Variants in TLK1 observed in about 807,000 individuals in gnomAD.
TLK1 encodes tousled like kinase 1.
Under a neutral mutation model 105.3 loss-of-function variants are expected in TLK1, and 24 were observed. That is an observed-to-expected ratio of 0.23 (90% CI 0.17 to 0.32). The LOEUF (loss-of-function observed/expected upper bound fraction) is 0.32. Among genes scored for constraint, TLK1 ranks in the 10% least tolerant of loss-of-function variants. The pLI is 1.00. For synonymous variants in TLK1, 321 were observed against 310.4 expected, an observed-to-expected ratio of 1.03 and a Z score of -0.36; for missense variants, 558 against 910.5, an observed-to-expected ratio of 0.61 and a Z score of 4.98.
intron 2 of TLK1, among the ~76,000 whole-genome samples, chr2:171,117,104 GAA>G (rs1354174143): frequency 6.6e-6 from 1 of 152,098 alleles, no homozygotes; most frequent in East Asian, 1.9e-4. Context: ...ATTTTTCCAT[GAA>G]AAAAGAGGGA....
chr2:171,200,946 A>C (rs1235148138), intron 1 of TLK1, among the ~76,000 whole-genome samples: 1 of 149,790 alleles, frequency 6.7e-6, no homozygotes, highest in Non-Finnish European at 1.5e-5. Flanking sequence ...CAGTGGCGCA[A>C]TCTCAGCTCA....
intron 18 of TLK1, among the ~76,000 whole-genome samples, chr2:171,004,354 G>GAA (rs958356904): frequency 2.7e-5 from 4 of 146,346 alleles, no homozygotes; most frequent in African/African-American, 1.0e-4. Flanking sequence ...GTATTTATCG[G>GAA]AAAAAAAAAA....
chr2:170,997,058 A>G (rs1253755891), intron 19 of TLK1, among the ~76,000 whole-genome samples: 2 of 152,248 alleles, frequency 1.3e-5, no homozygotes, highest in Non-Finnish European at 2.9e-5. Context: ...TGAATAAACA[A>G]TGAAGTTCAG....
chr2:171,194,623 C>T (rs1693225453), intron 1 of TLK1, among the ~76,000 whole-genome samples: 1 of 151,952 alleles, frequency 6.6e-6, no homozygotes, highest in South Asian at 2.1e-4. Flanking sequence ...CGAGACCATC[C>T]TGGCTAACAC....
chr2:171,181,347 A>T (rs1575649009), intron 1 of TLK1, among the ~76,000 whole-genome samples: 2 of 152,304 alleles, frequency 1.3e-5, no homozygotes, highest in East Asian at 3.9e-4. Flanking sequence ...AAAGTAAAAA[A>T]CCAAGCCAGG....
chr2:171,088,012 G>T (rs1262959738), intron 2 of TLK1, among the ~76,000 whole-genome samples: 2 of 152,130 alleles, frequency 1.3e-5, no homozygotes, highest in African/African-American at 2.4e-5. Flanking sequence ...TCAGAGAAAT[G>T]ACTTAACTAG....
intron 12 of TLK1, among the ~76,000 whole-genome samples, chr2:171,020,652 A>G (rs1315485044): frequency 6.6e-6 from 1 of 152,204 alleles, no homozygotes; most frequent in Non-Finnish European, 1.5e-5. Flanking sequence ...ATGTCACCAT[A>G]TTATATGCTT....
intron 13 of TLK1, 96 bp downstream of exon 13, chr2:171,014,752 CGAT>C: frequency 1.1e-6 from 1 of 933,244 alleles, no homozygotes; most frequent in Non-Finnish European, 1.6e-6. Flanking sequence ...TTTCTAAGTA[CGAT>C]GAGACAACCC....
chr2:171,203,853 C>T (rs1205236945), intron 1 of TLK1, among the ~76,000 whole-genome samples: 1 of 152,100 alleles, frequency 6.6e-6, no homozygotes, highest in African/African-American at 2.4e-5. Flanking sequence ...ATTTCAAGAC[C>T]AGCCTGGCCA....
At chr2:171,199,610 G>C (rs1190887142) in intron 1 of TLK1, among the ~76,000 whole-genome samples, 1 of 152,144 alleles carries the variant, frequency 6.6e-6, no homozygotes, top group Non-Finnish European at 1.5e-5. Context: ...AAGTTCGAGG[G>C]CTCCCTCAGC....
chr2:171,022,765 T>C (rs898487290), intron 12 of TLK1: 3 of 186,378 alleles, frequency 1.6e-5, no homozygotes, highest in African/African-American at 7.1e-5. Flanking sequence ...TGCAAACTTA[T>C]TCTTTGTGGT....
At position 170,993,698 on chromosome 2, in the gene TLK1, AAAAC is replaced by A. The variant is rs1292586694; in HGVS notation, c.*78_*81del. ...AAAAAAAAAAAAAAAAAAGAAAAAG[AAAAC>A]AAACACTCAAATGCTCTCAAACTTA... On this transcript the variant is annotated 3_prime_UTR_variant, in exon 21 of 21. Coordinates refer to ENST00000431350, the MANE Select transcript of TLK1 (RefSeq NM_012290.5). 5.1e-6 allele frequency: 6 copies of A among 1,168,886 alleles called. No individual in the cohort carries two copies. Among genetic ancestry groups the A allele is most frequent in the Non-Finnish European group, 5.7e-6 (5 of 872,840 alleles). The allele number at this position is 1,168,886 out of a possible 1,614,324, so 72.4% of individuals were successfully genotyped here. A position where few individuals can be genotyped will look rare whatever the true frequency, so the allele number is the denominator to read the frequency against.
chr2:171,039,605 TC>T (rs1392999592), intron 11 of TLK1, among the ~76,000 whole-genome samples: 1 of 152,198 alleles, frequency 6.6e-6, no homozygotes, highest in Non-Finnish European at 1.5e-5. Flanking sequence ...TTGCTGGCCT[TC>T]ATGAACCTGT....
intron 5 of TLK1, 28 bp from the exon 6 acceptor site, chr2:171,056,594 T>C (rs539866326): frequency 1.3e-6 from 2 of 1,569,656 alleles, no homozygotes; most frequent in East Asian, 2.3e-5. Flanking sequence ...GAAGCATTAT[T>C]ATTTACTAAA....
At chr2:171,058,531 A>G (rs1326280769) in intron 4 of TLK1, among the ~76,000 whole-genome samples, 1 of 152,200 alleles carries the variant, frequency 6.6e-6, no homozygotes, top group Non-Finnish European at 1.5e-5. Context: ...TATACAAACC[A>G]TAACATGATT....
rs1373127666 is a variant in TLK1 at position 171,160,741 on chromosome 2, C to G, written c.-313G>C. On this transcript the variant is annotated 5_prime_UTR_variant, in exon 1 of 21. Coordinates refer to ENST00000431350, the MANE Select transcript of TLK1 (RefSeq NM_012290.5). This position sits in a 1 kb window ranked among gnomAD's most constrained non-coding sequence, Gnocchi z 4.4. ...GAGGGGGTGCCAGCCGGGCCGGGGT[C>G]GGAGCGCGGGCGGAGCGCGGGCTGC... 9.5e-6 allele frequency: 4 copies of G among 419,536 alleles called. No homozygotes were observed. Among genetic ancestry groups the G allele is most frequent in the African/African-American group, 2.3e-5 (1 of 43,226 alleles). The allele number at this position is 419,536 out of a possible 1,614,324, so 26.0% of individuals were successfully genotyped here. A position where few individuals can be genotyped will look rare whatever the true frequency, so the allele number is the denominator to read the frequency against.
At chr2:171,077,188 G>A (rs1688551846) in intron 3 of TLK1, among the ~76,000 whole-genome samples, 1 of 152,148 alleles carries the variant, frequency 6.6e-6, no homozygotes, top group South Asian at 2.1e-4. Flanking sequence ...TCACTGTGAA[G>A]TAAGAGAAAA....
At chr2:171,045,092 C>G (rs1686883109) in intron 11 of TLK1, 1 of 151,900 alleles carries the variant, frequency 6.6e-6, no homozygotes, top group African/African-American at 2.4e-5. Flanking sequence ...ACAAGCAGAG[C>G]ACAAAGGAGG....
intron 2 of TLK1, among the ~76,000 whole-genome samples, chr2:171,100,585 C>A (rs55987132): frequency 2.6e-5 from 4 of 151,910 alleles, no homozygotes; most frequent in South Asian, 4.1e-4. Flanking sequence ...CTAAATAAGC[C>A]TCTTTCTTTA....
Sources: gnomAD v4.1 joint callset for allele counts (sites outside exome capture counted in the v4.1 genomes callset) on GRCh38, gnomAD v4.1.1 for gene constraint, Gnocchi (gnomAD v3.1) non-coding constraint, MANE v1.5 for transcripts, NCBI Gene and HGNC (gene_info 2026-07-23, HGNC 2026-07-21) for gene names.